ATP8A2: variants seen among roughly 807,000 people sequenced by gnomAD.
ATP8A2 encodes phospholipid-transporting ATPase IB.
In ATP8A2, 100 loss-of-function variants were observed where a neutral mutation model predicts 165.6. The ratio of observed to expected loss-of-function variants is 0.60; its 90% CI spans 0.51 to 0.71. ATP8A2 has a LOEUF of 0.71. Ranked by LOEUF, ATP8A2 falls within the 30% of genes least tolerant of loss-of-function variation. The pLI, the probability that ATP8A2 is intolerant of heterozygous loss-of-function variation, is 0.00. For missense variants in ATP8A2, 1,227 were observed against 1,479.5 expected, an observed-to-expected ratio of 0.83 and a Z score of 2.80; for synonymous variants, 543 against 548.8, an observed-to-expected ratio of 0.99 and a Z score of 0.15.
At chr13:25,403,466 G>C (rs146104610) in intron 1 of ATP8A2, among the ~76,000 whole-genome samples, 89 of 152,286 alleles carry the variant, frequency 5.8e-4, no homozygotes, top group African/African-American at 1.6e-3. Context: ...GCAATGTACT[G>C]TGCTAGAGAA....
rs769139217 is a variant in ATP8A2 at position 25,551,472 on chromosome 13, T to G, written c.1026T>G (p.His342Gln). Residue 342 changes from histidine (H) to glutamine (Q), a missense_variant, in exon 11 of 37, where the codon CAT becomes CAG. Physicochemically the swap from His to Gln is conservative, Grantham distance 24 (BLOSUM62 0). Transcript: ENST00000381655. ...GGGCCCTGTACTGGAACAGGTCTCA[T>G]GGTGAAAAGAACTGGTACATCAAGA... is the stretch of plus-strand genomic sequence containing the variant. ...SAGALYWNRS[H>Q]GEKNWYIKKM... is the part of the protein sequence containing the mutation. 5 of 1,612,678 alleles carry G rather than the reference T, an allele frequency of 3.1e-6. No homozygotes were observed.
intron 1 of ATP8A2, among the ~76,000 whole-genome samples, chr13:25,446,370 T>G (rs1469335085): frequency 6.6e-6 from 1 of 152,212 alleles, no homozygotes; most frequent in African/African-American, 2.4e-5. Context: ...TTTAAATCTC[T>G]TCATGTATCT....
intron 27 of ATP8A2, among the ~76,000 whole-genome samples, chr13:25,790,080 T>C (rs1386129691): frequency 2.0e-5 from 3 of 152,186 alleles, no homozygotes; most frequent in Non-Finnish European, 4.4e-5. Context: ...CAACTCAAGA[T>C]GGATTAAAGA....
At chr13:25,665,711 T>TTTA (rs1046265049) in intron 24 of ATP8A2, among the ~76,000 whole-genome samples, 9 of 151,600 alleles carry the variant, frequency 5.9e-5, no homozygotes, top group African/African-American at 1.2e-4. Context: ...CTTATTTGTT[T>TTTA]TTATTATTAT....
intron 27 of ATP8A2, among the ~76,000 whole-genome samples, chr13:25,802,032 G>A (rs989077915): frequency 2.6e-5 from 4 of 152,156 alleles, no homozygotes; most frequent in African/African-American, 4.8e-5. Flanking sequence ...CCCATGACAC[G>A]TGAGGATTAT....
intron 33 of ATP8A2, among the ~76,000 whole-genome samples, chr13:25,935,723 G>A (rs977380041): frequency 1.3e-5 from 2 of 152,122 alleles, no homozygotes; most frequent in Non-Finnish European, 2.9e-5. Flanking sequence ...AGCCATTAGT[G>A]AGGGATCTGC....
chr13:25,883,688 C>A (rs534720540), intron 33 of ATP8A2, among the ~76,000 whole-genome samples: 2 of 152,294 alleles, frequency 1.3e-5, no homozygotes, highest in South Asian at 2.1e-4. Flanking sequence ...ACGCTTGTCC[C>A]CTGGCTTCTC....
intron 18 of ATP8A2, chr13:25,571,905 G>A (rs567340455): frequency 1.0e-4 from 58 of 577,148 alleles, no homozygotes; most frequent in African/African-American, 9.4e-4. Context: ...TTTTCCACAT[G>A]TCTTTCATAC....
At chr13:25,833,449 C>T (rs1010712548) in intron 28 of ATP8A2, among the ~76,000 whole-genome samples, 2 of 152,074 alleles carry the variant, frequency 1.3e-5, no homozygotes, top group African/African-American at 4.8e-5. Context: ...CTTATTTTTA[C>T]TAAATATCAG....
Position 25,464,747 on chromosome 13 carries a change from G to A in ATP8A2, c.77-4230G>A, listed in dbSNP as rs2035591122. 2.0e-5 allele frequency among the ~76,000 whole-genome samples: 3 copies of A among 152,286 alleles called. No homozygotes were observed. In the South Asian group the frequency reaches 6.2e-4, roughly 32 times the overall value. ...GTCTGGTTCAAGGGAGACAGAGAAG[G>A]GAGCAGCTGGTTCAGCGGCTGGGCA... On this transcript the variant is annotated intron_variant, in intron 1 of 36. Transcript: ENST00000381655.
chr13:25,460,827 A>G (rs1470986744), intron 1 of ATP8A2, among the ~76,000 whole-genome samples: 1 of 152,138 alleles, frequency 6.6e-6, no homozygotes, highest in African/African-American at 2.4e-5. Context: ...TCATTCTTAT[A>G]AGCCTATTTC....
intron 2 of ATP8A2, among the ~76,000 whole-genome samples, chr13:25,524,700 C>G (rs965478569): frequency 6.6e-6 from 1 of 151,954 alleles, no homozygotes; most frequent in African/African-American, 2.4e-5. Flanking sequence ...CTCTTTCATT[C>G]TGTGTGTGTC....
rs1174243477 is a variant in ATP8A2 at position 25,465,663 on chromosome 13, T to TTTTC, written c.77-3241_77-3238dup. Among the ~76,000 whole-genome samples, 383 of 86,412 alleles carry TTTTC rather than the reference T, an allele frequency of 4.4e-3. 31 individuals carry two copies. Among genetic ancestry groups the TTTTC allele is most frequent in the African/African-American group, 8.6e-3 (185 of 21,534 alleles). The allele number at this position is 86,412 out of a possible 152,430, so 56.7% of individuals were successfully genotyped here. ...TCACCTCCCCAGAAATCTTGCAGAG[T>TTTTC]TTTCTTTCTTTCTTTCTTTCTTTCT... On this transcript the variant is annotated intron_variant, in intron 1 of 36. Coordinates refer to ENST00000381655, the MANE Select transcript of ATP8A2 (RefSeq NM_016529.6).
At chr13:25,713,511 T>G (rs2043194491) in intron 25 of ATP8A2, among the ~76,000 whole-genome samples, 1 of 152,184 alleles carries the variant, frequency 6.6e-6, no homozygotes, top group Admixed American at 6.5e-5. Flanking sequence ...CAGAAAGCTC[T>G]CATTGCCTTG....
At chr13:25,568,414 A>G (rs1223230495) in intron 16 of ATP8A2, among the ~76,000 whole-genome samples, 4 of 152,218 alleles carry the variant, frequency 2.6e-5, no homozygotes, top group African/African-American at 7.2e-5. Context: ...AATTTTAAAC[A>G]TGTATCATTT....
intron 13 of ATP8A2, among the ~76,000 whole-genome samples, chr13:25,557,136 A>G (rs1274855624): frequency 6.6e-6 from 1 of 152,186 alleles, no homozygotes; most frequent in Non-Finnish European, 1.5e-5. Flanking sequence ...CTTTGATATA[A>G]TTTTCCAAAC....
At chr13:25,948,284 A>C (rs2139133403) in intron 33 of ATP8A2, among the ~76,000 whole-genome samples, 1 of 151,746 alleles carries the variant, frequency 6.6e-6, no homozygotes, top group Non-Finnish European at 1.5e-5. Context: ...CGCTGGCCAC[A>C]TCTAGGATGT....
chr13:25,484,285 A>C (rs186704942), intron 2 of ATP8A2, among the ~76,000 whole-genome samples: 1 of 152,296 alleles, frequency 6.6e-6, no homozygotes, highest in Non-Finnish European at 1.5e-5. Flanking sequence ...AACTTGGTCC[A>C]CATGTATGAC....
chr13:25,950,215 A>T (rs1393693924), intron 33 of ATP8A2, among the ~76,000 whole-genome samples: 1 of 152,148 alleles, frequency 6.6e-6, no homozygotes, highest in Admixed American at 6.5e-5. Flanking sequence ...CTGGTTTCCC[A>T]CGTCACGACC....
Sources: allele counts gnomAD v4.1 joint callset (sites outside exome capture counted in the v4.1 genomes callset), GRCh38; gene constraint gnomAD v4.1.1; transcripts MANE v1.5; gene names NCBI Gene and HGNC (gene_info 2026-07-23, HGNC 2026-07-21).